Variants in VPS13A observed in about 807,000 individuals in gnomAD.
VPS13A encodes vacuolar protein sorting 13 homolog A.
VPS13A carries 264 observed loss-of-function variants against 390.9 expected under a neutral mutation model. The ratio of observed to expected loss-of-function variants is 0.68; its 90% CI spans 0.61 to 0.75. VPS13A has a LOEUF of 0.75. Among genes scored for constraint, VPS13A ranks in the 30% least tolerant of loss-of-function variants. The pLI, the probability that VPS13A is intolerant of heterozygous loss-of-function variation, is 0.00. For missense variants in VPS13A, 3,409 were observed against 3,733.9 expected, an observed-to-expected ratio of 0.91 and a Z score of 2.27; for synonymous variants, 1,231 against 1,227.1, an observed-to-expected ratio of 1.00 and a Z score of -0.07.
chr9:77,234,587 G>C (rs545142347), intron 17 of VPS13A, among the ~76,000 whole-genome samples: 16 of 152,160 alleles, frequency 1.1e-4, no homozygotes, highest in African/African-American at 3.6e-4. Context: ...CATCTGTATT[G>C]TTGTATCATG....
chr9:77,307,771 C>G (rs1341639588), intron 34 of VPS13A, among the ~76,000 whole-genome samples, 174 bp from the exon 35 acceptor site: 1 of 152,138 alleles, frequency 6.6e-6, no homozygotes, highest in Non-Finnish European at 1.5e-5. Flanking sequence ...TCACAAGCTA[C>G]TAAAGAGCAC....
intron 41 of VPS13A, 101 bp from the exon 42 acceptor site, chr9:77,319,471 G>A: frequency 2.6e-6 from 2 of 761,424 alleles, no homozygotes; most frequent in East Asian, 2.7e-5. Context: ...CTACTGAATG[G>A]CATGTAGACT....
chr9:77,308,765 G>A (rs944856723), intron 35 of VPS13A, among the ~76,000 whole-genome samples: 1 of 152,146 alleles, frequency 6.6e-6, no homozygotes, highest in Admixed American at 6.5e-5. Context: ...TGGCATTATA[G>A]GGGATCCTCA....
At chr9:77,200,543 A>G (rs1481931297) in intron 2 of VPS13A, among the ~76,000 whole-genome samples, 2 of 152,072 alleles carry the variant, frequency 1.3e-5, no homozygotes, top group African/African-American at 2.4e-5. Context: ...TTTTATTTCA[A>G]ATTTTTAACT....
chr9:77,209,578 G>A (rs575104019), intron 6 of VPS13A, 46 bp downstream of exon 6: 2 of 1,233,070 alleles, frequency 1.6e-6, no homozygotes, highest in East Asian at 5.1e-5. Flanking sequence ...TTATATGTAA[G>A]TTATTTTACT....
At chr9:77,276,717 C>T (rs574038995) in intron 26 of VPS13A, among the ~76,000 whole-genome samples, 1 of 152,252 alleles carries the variant, frequency 6.6e-6, no homozygotes, top group East Asian at 1.9e-4. Context: ...TCTATGTTTC[C>T]TTGTTGCCTG....
intron 67 of VPS13A, among the ~76,000 whole-genome samples, chr9:77,381,186 C>G (rs1172958537): frequency 6.6e-6 from 1 of 152,118 alleles, no homozygotes; most frequent in Non-Finnish European, 1.5e-5. Context: ...CTCTGGCATC[C>G]TGATTGGAGT....
In VPS13A at chr9:77,313,930, G is replaced by T. The variant is rs73654010; in HGVS notation, c.4115-62G>T. ...TAATTCTATTAAATCTATTTCAAGG[G>T]TATTTTAATGAGCTACTTTTCATGA... is the stretch of plus-strand genomic sequence containing the variant. On this transcript the variant is annotated intron_variant, in intron 35 of 71. Transcript: ENST00000360280. 3,328 of 1,494,362 alleles carry T rather than the reference G, an allele frequency of 2.2e-3. 59 individuals carry two copies. The African/African-American group carries it at 0.042, about 19-fold the overall frequency. 92.6% of individuals were successfully genotyped at this position (1,494,362 alleles called of 1,614,324 possible).
rs1032630154 is a variant in VPS13A, at chr9:77,357,218, C to T, written c.7806+351C>T. ...CCTGTAATCCCCGCTATTCAGGAGG[C>T]TGAGGCATGAGAATGCCTTGAACCC... is the stretch of plus-strand genomic sequence containing the variant. On this transcript the variant is annotated intron_variant, in intron 55 of 71. Coordinates refer to ENST00000360280, the MANE Select transcript of VPS13A (RefSeq NM_033305.3). 4.1e-5 allele frequency among the ~76,000 whole-genome samples: 6 copies of T among 144,832 alleles called. No homozygotes were observed. In the East Asian group the frequency reaches 1.1e-3, roughly 26 times the overall value.
At chr9:77,378,721 C>T (rs1308124536) in intron 67 of VPS13A, among the ~76,000 whole-genome samples, 1 of 150,182 alleles carries the variant, frequency 6.7e-6, no homozygotes, top group East Asian at 1.9e-4. Flanking sequence ...TTATTATTTT[C>T]TTCCTTCTGC....
chr9:77,202,687 TATATC>T (rs1388142938), intron 3 of VPS13A, among the ~76,000 whole-genome samples: 1 of 152,182 alleles, frequency 6.6e-6, no homozygotes, highest in African/African-American at 2.4e-5. Flanking sequence ...AGTCAAAAAA[TATATC>T]AGGAGAGTAG....
In VPS13A at chr9:77,307,914, C is replaced by T. The variant is rs749994860; in HGVS notation, c.3961-31C>T. On this transcript the variant is annotated intron_variant, in intron 34 of 71. Coordinates refer to ENST00000360280, the MANE Select transcript of VPS13A (RefSeq NM_033305.3). ...TAAATTCTGCAATGAAGTAGCAGTGCTAAAAAGAACAAATCTTTTTTTTTT... is the reference window on the plus strand; with the variant it reads ...TAAATTCTGCAATGAAGTAGCAGTGTTAAAAAGAACAAATCTTTTTTTTTT... 9 of 1,538,540 alleles carry T rather than the reference C, an allele frequency of 5.8e-6. No homozygotes were observed. In the East Asian group the frequency reaches 2.1e-4, roughly 36 times the overall value.
chr9:77,335,915 A>G (rs1830516152), intron 46 of VPS13A, among the ~76,000 whole-genome samples: 1 of 152,230 alleles, frequency 6.6e-6, no homozygotes, highest in Non-Finnish European at 1.5e-5. Context: ...ACATATGTTT[A>G]TTGCAGCACT....
At position 77,357,217 on chromosome 9, in the gene VPS13A, G is replaced by T. The variant is rs1000106450; in HGVS notation, c.7806+350G>T. 4.0e-5 allele frequency among the ~76,000 whole-genome samples: 6 copies of T among 150,164 alleles called. No homozygotes were observed. The East Asian group carries it at 9.9e-4, about 25-fold the overall frequency. ...GCCTGTAATCCCCGCTATTCAGGAG[G>T]CTGAGGCATGAGAATGCCTTGAACC... On this transcript the variant is annotated intron_variant, in intron 55 of 71. Coordinates refer to ENST00000360280, the MANE Select transcript of VPS13A (RefSeq NM_033305.3).
Position 77,415,941 on chromosome 9 carries a change from A to G in VPS13A, c.9475-15A>G, listed in dbSNP as rs1448085723. The G allele has an allele frequency of 1.2e-6, 2 of 1,612,994 alleles. No homozygotes were observed. The highest frequency in any genetic ancestry group is 1.7e-6 in the Non-Finnish European group (2 of 1,179,176). On this transcript the variant is annotated splice_polypyrimidine_tract_variant and intron_variant, in intron 71 of 71. Transcript: ENST00000360280. The stretch of plus-strand genomic sequence containing the variant: ...CACTGAAGTAAGCAAATGTTCATTT[A>G]TTTTCCCACCGCAGTGGATCCTCAC...
rs1459856505 is a variant in VPS13A at position 77,344,189 on chromosome 9, C to T, written c.7063C>T (p.Leu2355Phe). 2 of 1,611,194 alleles carry T rather than the reference C, an allele frequency of 1.2e-6. No individual in the cohort carries two copies. Among genetic ancestry groups the T allele is most frequent in the Non-Finnish European group, 1.7e-6 (2 of 1,177,788 alleles). ...PFWPEYASSK[L>F]LIQVERSEDP... Reference sequence around the variant, plus strand: ...TTGGCCTGAGTATGCTTCTAGTAAACTTCTTATTCAAGTCGAAAGGAGTGA... The same window carrying T: ...TTGGCCTGAGTATGCTTCTAGTAAATTTCTTATTCAAGTCGAAAGGAGTGA... The change falls in exon 51 of 72, where the codon CTT becomes TTT. Residue 2355 changes from leucine (L) to phenylalanine (F), a missense_variant. This residue lies in a region of VPS13A where 2,717 missense variants were observed against 2,917.4 expected (regional missense o/e 0.93). Coordinates refer to ENST00000360280, the MANE Select transcript of VPS13A (RefSeq NM_033305.3).
At chr9:77,412,183 C>A (rs1223098298) in intron 71 of VPS13A, among the ~76,000 whole-genome samples, 1 of 152,194 alleles carries the variant, frequency 6.6e-6, no homozygotes, top group Non-Finnish European at 1.5e-5. Flanking sequence ...GAGCTGGTAC[C>A]ATTCCTTCTG....
intron 3 of VPS13A, among the ~76,000 whole-genome samples, chr9:77,203,251 G>A (rs1021007201): frequency 3.2e-4 from 48 of 152,162 alleles, no homozygotes; most frequent in African/African-American, 1.1e-3. Flanking sequence ...TTTTCTACTA[G>A]GAGTCTACAT....
In VPS13A at chr9:77,283,615, G is replaced by A. The variant is rs1827168626; in HGVS notation, c.3304G>A (p.Val1102Ile). ...AAACGCAAAGCTAAGGAATATAATT[G>A]TTTTAGATTCTGATATAACAGCTAT... ...EINAKLRNII[V>I]LDSDITAIYK... Residue 1102 changes from valine (V) to isoleucine (I), a missense_variant, in exon 31 of 72, where the codon GTT (valine) becomes ATT (isoleucine). Around this residue, in one of 5 missense-constraint regions of VPS13A, gnomAD observed 2,717 missense variants for 2,917.4 expected, o/e 0.93. Coordinates refer to ENST00000360280, the MANE Select transcript of VPS13A (RefSeq NM_033305.3). 1 of 1,612,714 alleles carries A rather than the reference G, an allele frequency of 6.2e-7. No homozygotes were observed. Among genetic ancestry groups the A allele is most frequent in the Non-Finnish European group, 8.5e-7 (1 of 1,179,246 alleles).
Sources: allele counts gnomAD v4.1 joint callset (sites outside exome capture counted in the v4.1 genomes callset), GRCh38; gene constraint gnomAD v4.1.1; regional missense constraint gnomAD v4.1.1; transcripts MANE v1.5; gene names NCBI Gene and HGNC (gene_info 2026-07-23, HGNC 2026-07-21).